CHN1: variants seen among roughly 807,000 people sequenced by gnomAD.
CHN1 encodes N-chimaerin.
A neutral mutation model predicts 59.5 loss-of-function variants in CHN1; 37 were observed. The ratio of observed to expected loss-of-function variants is 0.62; its 90% CI spans 0.48 to 0.82. CHN1 has a LOEUF of 0.82. Among genes scored for constraint, CHN1 ranks in the 40% least tolerant of loss-of-function variants. The probability of loss-of-function intolerance (pLI) is 0.00; values close to 1 mark genes in which losing one functional copy is unlikely to be tolerated. For synonymous variants in CHN1, 206 were observed against 200.4 expected, an observed-to-expected ratio of 1.03 and a Z score of -0.24; for missense variants, 469 against 571.0, an observed-to-expected ratio of 0.82 and a Z score of 1.82.
chr2:174,833,128 A>G (rs1574068212), intron 7 of CHN1, among the ~76,000 whole-genome samples: 1 of 152,128 alleles, frequency 6.6e-6, no homozygotes, highest in Non-Finnish European at 1.5e-5. Context: ...TACTCTATAA[A>G]TATCAGTTAG....
At chr2:174,873,738 A>T (rs16862899) in intron 6 of CHN1, among the ~76,000 whole-genome samples, 8,115 of 152,272 alleles carry the variant, frequency 0.053, 711 homozygotes, top group African/African-American at 0.18. Context: ...CACAGTCTGG[A>T]GATCCCAAAA....
chr2:174,871,293 T>A (rs761364237), intron 6 of CHN1, among the ~76,000 whole-genome samples: 4 of 150,952 alleles, frequency 2.6e-5, no homozygotes, highest in Admixed American at 6.7e-5. Flanking sequence ...AACCATAGAA[T>A]GAAGAATGAC....
intron 8 of CHN1, among the ~76,000 whole-genome samples, chr2:174,820,806 T>G (rs1222501165): frequency 2.6e-5 from 4 of 152,186 alleles, no homozygotes; most frequent in Admixed American, 6.5e-5. Context: ...GCCTGGTGGT[T>G]GGAACATCAC....
chr2:174,859,013 C>CACACACACAA (rs1558955549), intron 6 of CHN1, among the ~76,000 whole-genome samples: 2 of 151,260 alleles, frequency 1.3e-5, no homozygotes, highest in African/African-American at 4.9e-5. Context: ...CACACACACA[C>CACACACACAA]AAAACCAAAC....
In CHN1 at chr2:174,824,757, C is replaced by T. The variant is rs185288920; in HGVS notation, c.628-239G>A. Among the ~76,000 whole-genome samples the T allele has an allele frequency of 4.5e-3, 686 of 152,204 alleles. 6 individuals are homozygous for T. Among genetic ancestry groups the T allele is most frequent in the African/African-American group, 0.015 (639 of 41,532 alleles). On this transcript the variant is annotated intron_variant, in intron 7 of 12. Transcript: ENST00000409900. ...TCCTGAGTAGCTGGGACTACAGGCA[C>T]ACACGACCACACCCAGATAATTTTT...
At chr2:175,003,917 C>T (rs758198306) in intron 1 of CHN1, among the ~76,000 whole-genome samples, 1 of 152,148 alleles carries the variant, frequency 6.6e-6, no homozygotes, top group African/African-American at 2.4e-5. Context: ...AAGTATTTAC[C>T]TCAAAAAGCA....
intron 7 of CHN1, among the ~76,000 whole-genome samples, chr2:174,826,305 T>C (rs1430827893): frequency 6.6e-6 from 1 of 152,176 alleles, no homozygotes; most frequent in Admixed American, 6.5e-5. Context: ...TTCTTCAGAG[T>C]GAATAAAACT....
intron 3 of CHN1, among the ~76,000 whole-genome samples, chr2:174,935,869 G>A (rs1689482380): frequency 6.6e-6 from 1 of 152,118 alleles, no homozygotes; most frequent in Admixed American, 6.5e-5. Context: ...GCAATGCAAA[G>A]CCACAGTGAG....
chr2:174,986,368 G>A (rs1037235905), intron 1 of CHN1, among the ~76,000 whole-genome samples: 2 of 152,144 alleles, frequency 1.3e-5, no homozygotes, highest in African/African-American at 4.8e-5. Flanking sequence ...TGGAACTAAT[G>A]AATAGACACA....
intron 8 of CHN1, among the ~76,000 whole-genome samples, chr2:174,821,392 G>A (rs913544482): frequency 3.3e-5 from 5 of 151,740 alleles, no homozygotes; most frequent in African/African-American, 7.3e-5. Context: ...TCAACCTCTC[G>A]CCTCCCTTTT....
At chr2:174,808,822 C>T in intron 11 of CHN1, 83 bp downstream of exon 11, 1 of 1,423,718 alleles carries the variant, frequency 7.0e-7, no homozygotes, top group Non-Finnish European at 9.9e-7. Flanking sequence ...TCATAAAATG[C>T]ATTCAAGTTA....
intron 6 of CHN1, among the ~76,000 whole-genome samples, chr2:174,876,585 T>G (rs1381564013): frequency 6.6e-6 from 1 of 152,220 alleles, no homozygotes; most frequent in African/African-American, 2.4e-5. Flanking sequence ...AAACAATTTT[T>G]ATACATTTTC....
chr2:174,904,229 C>T (rs1688474082), intron 5 of CHN1, among the ~76,000 whole-genome samples: 1 of 151,630 alleles, frequency 6.6e-6, no homozygotes, highest in African/African-American at 2.4e-5. Context: ...CATTGCACTC[C>T]AGCCTGAGCA....
intron 8 of CHN1, among the ~76,000 whole-genome samples, chr2:174,820,618 G>A (rs377366020): frequency 9.2e-5 from 14 of 152,312 alleles, no homozygotes; most frequent in African/African-American, 2.9e-4. Context: ...CTTGCACTGC[G>A]TGGTTTTGAA....
At chr2:174,898,916 C>T (rs895651435) in intron 5 of CHN1, among the ~76,000 whole-genome samples, 1 of 151,948 alleles carries the variant, frequency 6.6e-6, no homozygotes, top group African/African-American at 2.4e-5. Context: ...CCAAAATATG[C>T]TTTTGTTTGT....
chr2:174,927,706 A>T (rs748467028), intron 3 of CHN1, among the ~76,000 whole-genome samples: 14 of 152,234 alleles, frequency 9.2e-5, no homozygotes, highest in Non-Finnish European at 1.5e-5. Context: ...TAAAATTTCA[A>T]AAATGTTTAA....
chr2:174,885,505 C>CT (rs376215010), intron 5 of CHN1, among the ~76,000 whole-genome samples: 34 of 151,590 alleles, frequency 2.2e-4, no homozygotes, highest in African/African-American at 7.7e-4. Flanking sequence ...TACAATTTTT[C>CT]TTTTTTTTCT....
chr2:174,996,985 C>T (rs1691730421), intron 1 of CHN1, among the ~76,000 whole-genome samples: 1 of 152,070 alleles, frequency 6.6e-6, no homozygotes, highest in Admixed American at 6.6e-5. Flanking sequence ...AACCCCTTAC[C>T]CCTCACTCTC....
At chr2:174,893,633 T>C (rs1688121008) in intron 5 of CHN1, among the ~76,000 whole-genome samples, 1 of 152,172 alleles carries the variant, frequency 6.6e-6, no homozygotes, top group African/African-American at 2.4e-5. Context: ...AAAAAGATTC[T>C]GAAATTCATA....
Sources: allele counts gnomAD v4.1 joint callset (sites outside exome capture counted in the v4.1 genomes callset), GRCh38; gene constraint gnomAD v4.1.1; transcripts MANE v1.5; gene names NCBI Gene and HGNC (gene_info 2026-07-23, HGNC 2026-07-21).